Variants in ACOX3 observed in about 807,000 individuals in gnomAD.
ACOX3 encodes peroxisomal acyl-coenzyme A oxidase 3.
A neutral mutation model predicts 81.5 loss-of-function variants in ACOX3; 73 were observed. That is an observed-to-expected ratio of 0.90 (90% CI 0.74 to 1.09). The LOEUF is 1.09. Ranked by LOEUF, ACOX3 falls within the 50% of genes least tolerant of loss-of-function variation. The pLI is 0.00. For missense variants in ACOX3, 947 were observed against 928.0 expected (o/e 1.02, Z -0.27); for synonymous variants, 387 against 375.1 (o/e 1.03, Z -0.37).
chr4:8,408,941 G>C (rs1205228008), intron 6 of ACOX3, among the ~76,000 whole-genome samples: 1 of 138,804 alleles, frequency 7.2e-6, no homozygotes, highest in African/African-American at 2.8e-5. Context: ...CTCACCCCAG[G>C]TGAACAGCAT....
chr4:8,416,604 A>G lies in ACOX3; in HGVS notation c.-14-69T>C. 1 of 1,462,936 alleles carries G rather than the reference A, an allele frequency of 6.8e-7. No individual in the cohort carries two copies. Among genetic ancestry groups the G allele is most frequent in the South Asian group, 1.4e-5 (1 of 72,258 alleles). 90.6% of individuals were successfully genotyped at this position (1,462,936 alleles called of 1,614,324 possible). The stretch of plus-strand genomic sequence containing the variant: ...GGTTCAAACTACCCCCACCAACAGG[A>G]GAGCCCGCAACACCTTACAAATCAG... On this transcript the variant is annotated intron_variant, in intron 1 of 17. Transcript: ENST00000356406. This position sits in a 1 kb window ranked among gnomAD's most constrained non-coding sequence, Gnocchi z 4.2.
chr4:8,373,759 T>C (rs980409308), intron 15 of ACOX3, 131 bp from the exon 16 acceptor site: 7 of 770,666 alleles, frequency 9.1e-6, no homozygotes, highest in African/African-American at 3.4e-5. Flanking sequence ...ATCAGTGTCA[T>C]TGCTGTCCCC....
intron 11 of ACOX3, 45 bp downstream of exon 11, chr4:8,392,288 C>A: frequency 7.1e-7 from 1 of 1,413,848 alleles, no homozygotes; most frequent in Admixed American, 2.7e-5. Context: ...AGTCAAACAG[C>A]AGGGCTAAGG....
chr4:8,415,537 G>A (rs1001250277), intron 3 of ACOX3, among the ~76,000 whole-genome samples: 1 of 151,102 alleles, frequency 6.6e-6, no homozygotes, highest in African/African-American at 2.4e-5. Flanking sequence ...AAGGACTTAT[G>A]GGTGCAAATT....
At chr4:8,393,518 A>AAACAAACAAAC in intron 10 of ACOX3, among the ~76,000 whole-genome samples, 1 of 144,416 alleles carries the variant, frequency 6.9e-6, no homozygotes, top group Non-Finnish European at 1.5e-5. Flanking sequence ...AACAAACAAA[A>AAACAAACAAAC]ACTTAAGAGA....
intron 10 of ACOX3, among the ~76,000 whole-genome samples, chr4:8,393,604 G>GAC (rs559059061): frequency 1.0e-4 from 15 of 142,942 alleles, no homozygotes; most frequent in South Asian, 9.1e-4. Flanking sequence ...TTAAGAGGAA[G>GAC]ACACACACAC....
chr4:8,417,873 C>A (rs1273602466), intron 1 of ACOX3, among the ~76,000 whole-genome samples: 1 of 152,158 alleles, frequency 6.6e-6, no homozygotes, highest in Non-Finnish European at 1.5e-5. Context: ...GACATCACCA[C>A]TGACCCTAAA....
At chr4:8,395,390 A>G (rs1719580641) in intron 9 of ACOX3, among the ~76,000 whole-genome samples, 1 of 22,172 alleles carries the variant, frequency 4.5e-5, no homozygotes, top group African/African-American at 1.9e-4. Context: ...ATGCGTGGAC[A>G]GGTGGGGGGA....
At chr4:8,403,242 T>C (rs28626958) in intron 7 of ACOX3, among the ~76,000 whole-genome samples, 3,067 of 152,322 alleles carry the variant, frequency 0.02, 112 homozygotes, top group African/African-American at 0.069. Flanking sequence ...GATTTCAACA[T>C]TGGTAACAAA....
intron 1 of ACOX3, among the ~76,000 whole-genome samples, chr4:8,418,030 T>C (rs536229155): frequency 2.6e-5 from 4 of 152,300 alleles, no homozygotes; most frequent in African/African-American, 9.6e-5. Flanking sequence ...ACTGAAGAGA[T>C]TGAATTAGCA....
chr4:8,371,697 C>T lies in ACOX3; in HGVS notation c.1897-703G>A, dbSNP rs563579243. Among the ~76,000 whole-genome samples, 23 of 152,384 alleles carry T rather than the reference C, an allele frequency of 1.5e-4. 1 individual carries two copies. Among genetic ancestry groups the T allele is most frequent in the Non-Finnish European group, 7.3e-5 (5 of 68,032 alleles). ...TGAGTGCACCTCTGCGCTTCAGCGC[C>T]GCGCTCTGCAGGGCGTGGCCACCTG... On this transcript the variant is annotated intron_variant, in intron 16 of 17. Coordinates refer to ENST00000356406, the MANE Select transcript of ACOX3 (RefSeq NM_003501.3).
In ACOX3 at chr4:8,381,273, T is replaced by G. The variant is rs1466330373; in HGVS notation, c.1653+219A>C. 1.3e-5 allele frequency among the ~76,000 whole-genome samples: 2 copies of G among 152,138 alleles called. No individual in the cohort carries two copies. Among genetic ancestry groups the G allele is most frequent in the African/African-American group, 4.8e-5 (2 of 41,414 alleles). On this transcript the variant is annotated intron_variant, in intron 14 of 17. Transcript: ENST00000356406. This position sits in a 1 kb window ranked among gnomAD's most constrained non-coding sequence, Gnocchi z 4.3. The stretch of plus-strand genomic sequence containing the variant: ...TGGGAACCGTCAGGCACGGTAAATG[T>G]AACATCCATGACCTCCCCAGCCCAG...
intron 16 of ACOX3, among the ~76,000 whole-genome samples, 171 bp from the exon 17 acceptor site, chr4:8,371,165 C>T (rs1167937963): frequency 6.6e-6 from 1 of 152,174 alleles, no homozygotes; most frequent in Admixed American, 6.5e-5. Flanking sequence ...GATTCGAGGC[C>T]CTTGCTGTGC....
chr4:8,366,801 G>T lies in ACOX3; in HGVS notation c.*160C>A. On this transcript the variant is annotated 3_prime_UTR_variant, in exon 18 of 18. Coordinates refer to ENST00000356406, the MANE Select transcript of ACOX3 (RefSeq NM_003501.3). ...CCAGCCGGCCGGGTGCCTCCCTCCC[G>T]TCCGCCTGGGCAGTTGAGGCCAATC... 1.0e-6 allele frequency: 1 copy of T among 974,128 alleles called. No individual in the cohort carries two copies. The highest frequency in any genetic ancestry group is 1.5e-6 in the Non-Finnish European group (1 of 683,730). 60.3% of individuals were successfully genotyped at this position (974,128 alleles called of 1,614,324 possible).
chr4:8,360,999 A>G, the ACOX3 span, among the ~76,000 whole-genome samples: 1 of 152,202 alleles, frequency 6.6e-6, no homozygotes, highest in African/African-American at 2.4e-5. Context: ...ACATCGTCAC[A>G]TGTAATTAAG....
At chr4:8,408,891 T>TGGCGGGG (rs1560193586) in intron 6 of ACOX3, among the ~76,000 whole-genome samples, 1 of 25,788 alleles carries the variant, frequency 3.9e-5, no homozygotes, top group Non-Finnish European at 6.2e-5. Flanking sequence ...GAGCCCTCAC[T>TGGCGGGG]GGGGGGGGGG....
chr4:8,379,872 A>G (rs559904887), intron 14 of ACOX3, among the ~76,000 whole-genome samples: 1 of 151,922 alleles, frequency 6.6e-6, no homozygotes, highest in African/African-American at 2.4e-5. Context: ...TGCAGCCTCA[A>G]CCTCCTGGGC....
chr4:8,429,123 CTGTT>C (rs1723790829), intron 1 of ACOX3, among the ~76,000 whole-genome samples: 1 of 152,194 alleles, frequency 6.6e-6, no homozygotes, highest in South Asian at 2.1e-4. Flanking sequence ...GTCTCAAGGT[CTGTT>C]TGGGGAGATC....
At position 8,396,940 on chromosome 4, in the gene ACOX3, CATTGGATA is replaced by C. The variant is rs774596005; in HGVS notation, c.1045_1052del (p.Tyr349AlafsTer48). On this transcript the variant is annotated frameshift_variant, in exon 9 of 18. Transcript: ENST00000356406. LOFTEE classifies it high-confidence loss of function. ...AGGATGCTTGAAAACCTCATACCTGCATTGGATACTCAAGCACTGGTATTTCCTCCTCC... is the reference window on the plus strand; with the variant it reads ...AGGATGCTTGAAAACCTCATACCTGCCTCAAGCACTGGTATTTCCTCCTCC... 14 of 1,610,436 alleles carry C rather than the reference CATTGGATA, an allele frequency of 8.7e-6. No individual in the cohort carries two copies. In the East Asian group the frequency reaches 2.5e-4, roughly 28 times the overall value.
Sources: gnomAD v4.1 joint callset for allele counts (sites outside exome capture counted in the v4.1 genomes callset) on GRCh38, gnomAD v4.1.1 for gene constraint, Gnocchi (gnomAD v3.1) non-coding constraint, MANE v1.5 for transcripts, NCBI Gene and HGNC (gene_info 2026-07-23, HGNC 2026-07-21) for gene names.